The following CADM2 variants were observed in gnomAD, a reference collection of about 807,000 sequenced individuals.
CADM2 encodes immunoglobulin superfamily member 4D.
A neutral mutation model predicts 49.8 loss-of-function variants in CADM2; 12 were observed. The observed-to-expected ratio is 0.24, with a 90% CI of 0.15 to 0.39. CADM2 has a LOEUF of 0.39. Ranked by LOEUF, CADM2 falls within the 10% of genes least tolerant of loss-of-function variation. The pLI is 1.00. For synonymous variants in CADM2, 214 were observed against 175.4 expected (o/e 1.22, Z -1.74); for missense variants, 378 against 492.3 (o/e 0.77, Z 2.20).
At chr3:85,257,852 C>T (rs985878223) in intron 1 of CADM2, among the ~76,000 whole-genome samples, 1 of 152,046 alleles carries the variant, frequency 6.6e-6, no homozygotes, top group Non-Finnish European at 1.5e-5. Flanking sequence ...GTGACACAAA[C>T]CAAAATTAAA....
chr3:85,999,616 AGAGAAAGAAAGAAG>A (rs1729905933), intron 8 of CADM2, among the ~76,000 whole-genome samples: 1 of 151,512 alleles, frequency 6.6e-6, no homozygotes, highest in African/African-American at 2.4e-5. Flanking sequence ...AAAGAGAGAA[AGAGAAAGAAAGAAG>A]GAGAAAGAAA....
chr3:85,382,909 C>G (rs1416281080), intron 1 of CADM2, among the ~76,000 whole-genome samples: 1 of 152,166 alleles, frequency 6.6e-6, no homozygotes, highest in Non-Finnish European at 1.5e-5. Flanking sequence ...TTAAATCAAA[C>G]TAAATATGGC....
chr3:85,887,860 A>T (rs573063476), intron 5 of CADM2, among the ~76,000 whole-genome samples: 3 of 152,258 alleles, frequency 2.0e-5, no homozygotes, highest in Non-Finnish European at 4.4e-5. Flanking sequence ...ATCTTACTAC[A>T]ACAAGAATCT....
intron 8 of CADM2, among the ~76,000 whole-genome samples, chr3:85,991,172 C>T (rs1042134837): frequency 6.6e-6 from 1 of 152,130 alleles, no homozygotes; most frequent in African/African-American, 2.4e-5. Flanking sequence ...TTCATTATCC[C>T]CCCACACATT....
rs189706242 is a variant in CADM2 at position 85,577,966 on chromosome 3, A to G, written c.62-148556A>G. 1.5e-3 allele frequency among the ~76,000 whole-genome samples: 190 copies of G among 129,116 alleles called. 1 individual carries two copies. The highest frequency in any genetic ancestry group is 3.8e-3 in the South Asian group (15 of 3,936). 84.7% of individuals were successfully genotyped at this position (129,116 alleles called of 152,430 possible). A position where few individuals can be genotyped will look rare whatever the true frequency, so the allele number is the denominator to read the frequency against. On this transcript the variant is annotated intron_variant, in intron 1 of 9. Transcript: ENST00000383699. ...CCTCTAACATTATAAGATTTTTATA[A>G]TCTTACCTATTAATCTCTTTCCTTC... is the stretch of plus-strand genomic sequence containing the variant.
chr3:85,776,336 TACACACACACAC>T (rs141105558), intron 2 of CADM2, among the ~76,000 whole-genome samples: 1 of 146,256 alleles, frequency 6.8e-6, no homozygotes, highest in Admixed American at 6.8e-5. Flanking sequence ...CAAACTCTCT[TACACACACACAC>T]ACACACACAC....
intron 7 of CADM2, among the ~76,000 whole-genome samples, chr3:85,947,078 A>G (rs1464808909): frequency 1.3e-5 from 2 of 152,066 alleles, no homozygotes; most frequent in African/African-American, 2.4e-5. Flanking sequence ...AGAATCTACA[A>G]TGAACTCAAA....
intron 3 of CADM2, among the ~76,000 whole-genome samples, chr3:85,856,162 A>G (rs2075310049): frequency 1.3e-5 from 2 of 152,212 alleles, no homozygotes; most frequent in African/African-American, 4.8e-5. Flanking sequence ...GGTAGATATT[A>G]TAAACATAGC....
intron 1 of CADM2, among the ~76,000 whole-genome samples, chr3:85,024,745 C>A (rs1293642766): frequency 6.6e-6 from 1 of 150,870 alleles, no homozygotes; most frequent in Non-Finnish European, 1.5e-5. Flanking sequence ...AAACTAAATT[C>A]TTGAAGTAAA....
At chr3:85,916,426 G>T (rs923767237) in intron 6 of CADM2, among the ~76,000 whole-genome samples, 2 of 150,214 alleles carry the variant, frequency 1.3e-5, no homozygotes, top group Admixed American at 6.7e-5. Flanking sequence ...GCAGTGTTTG[G>T]TTTTTTGTCC....
chr3:85,201,506 G>A (rs1199352276), intron 1 of CADM2, among the ~76,000 whole-genome samples: 2 of 152,156 alleles, frequency 1.3e-5, no homozygotes, highest in Admixed American at 6.5e-5. Context: ...TGGAGTAGCT[G>A]TGACAATTTC....
chr3:85,986,838 G>T (rs180870764), intron 8 of CADM2, among the ~76,000 whole-genome samples: 1 of 152,200 alleles, frequency 6.6e-6, no homozygotes, highest in Non-Finnish European at 1.5e-5. Flanking sequence ...ACATGCTTTT[G>T]GAGTGGCTGC....
intron 1 of CADM2, among the ~76,000 whole-genome samples, chr3:85,331,555 G>C (rs565955498): frequency 3.2e-4 from 48 of 151,524 alleles, no homozygotes; most frequent in Non-Finnish European, 4.6e-4. Flanking sequence ...CTTTTTGAGA[G>C]AAAAATAATA....
intron 1 of CADM2, among the ~76,000 whole-genome samples, chr3:85,066,427 G>A (rs1025842794): frequency 5.3e-5 from 8 of 151,440 alleles, no homozygotes; most frequent in South Asian, 2.1e-4. Context: ...AGTCATATTC[G>A]GGAACTATTG....
At chr3:85,141,009 A>G (rs371702989) in intron 1 of CADM2, among the ~76,000 whole-genome samples, 1 of 152,172 alleles carries the variant, frequency 6.6e-6, no homozygotes. Context: ...TGATTTTTTG[A>G]CAATGAAGGT....
chr3:85,939,993 A>G (rs1042813204), intron 7 of CADM2, among the ~76,000 whole-genome samples: 2 of 136,332 alleles, frequency 1.5e-5, no homozygotes, highest in Non-Finnish European at 3.0e-5. Flanking sequence ...GTATTTTTCT[A>G]TTAGGATAAT....
chr3:85,242,075 T>TA lies in CADM2; in HGVS notation c.61+282407_61+282408insA, dbSNP rs201914870. Among the ~76,000 whole-genome samples the TA allele has an allele frequency of 5.7e-3, 855 of 150,882 alleles. 5 individuals are homozygous for TA. The highest frequency in any genetic ancestry group is 0.019 in the African/African-American group (791 of 41,304). On this transcript the variant is annotated intron_variant, in intron 1 of 9. Coordinates refer to ENST00000383699, the MANE Select transcript of CADM2 (RefSeq NM_001167675.2). ...AGGTTTGATTCTGTTGTTTTTTTTT[T>TA]TATATATATAAGATTTGGGAATCAG...
chr3:85,046,862 T>C (rs897218673), intron 1 of CADM2, among the ~76,000 whole-genome samples: 59 of 151,942 alleles, frequency 3.9e-4, no homozygotes, highest in African/African-American at 1.4e-3. Context: ...TAAATAGTGA[T>C]TAGAATATAT....
intron 2 of CADM2, among the ~76,000 whole-genome samples, chr3:85,747,339 A>ACTT (rs1422642179): frequency 7.2e-5 from 11 of 152,162 alleles, no homozygotes; most frequent in Non-Finnish European, 1.0e-4. Flanking sequence ...ATGAATAGTT[A>ACTT]ACACATTACT....
Sources: gnomAD v4.1 joint callset for allele counts (sites outside exome capture counted in the v4.1 genomes callset) on GRCh38, gnomAD v4.1.1 for gene constraint, MANE v1.5 for transcripts, NCBI Gene and HGNC (gene_info 2026-07-23, HGNC 2026-07-21) for gene names.